The following FSIP2 variants were observed in gnomAD, a reference collection of about 807,000 sequenced individuals.
FSIP2 encodes the protein fibrous sheath-interacting protein 2.
A neutral mutation model predicts 510.5 loss-of-function variants in FSIP2; 367 were observed. That is an observed-to-expected ratio of 0.72 (90% CI 0.66 to 0.78). FSIP2 has a LOEUF of 0.78. FSIP2 is among the 30% of genes least tolerant of loss of function. The pLI, the probability that FSIP2 is intolerant of heterozygous loss-of-function variation, is 0.00. For synonymous variants in FSIP2, 2,601 were observed against 2,732.2 expected (o/e 0.95, Z 1.50); for missense variants, 7,594 against 7,901.7 (o/e 0.96, Z 1.48).
intron 7 of FSIP2, among the ~76,000 whole-genome samples, chr2:185,748,433 C>T (rs144675385): frequency 1.7e-4 from 26 of 151,866 alleles, no homozygotes; most frequent in Admixed American, 5.9e-4. Context: ...TCAGCCACCA[C>T]GCCCAGCCAT....
intron 8 of FSIP2, among the ~76,000 whole-genome samples, chr2:185,755,317 A>G (rs1308922076): frequency 6.6e-6 from 1 of 151,574 alleles, no homozygotes; most frequent in East Asian, 1.9e-4. Flanking sequence ...GATTAATTCT[A>G]TCTGTTTAGT....
Position 185,788,653 on chromosome 2 carries a change from A to G in FSIP2, c.1517A>G (p.Glu506Gly). ...QNCLQEKVTSEELNIIIQNVM... is the reference protein window; with the variant it reads ...QNCLQEKVTSGELNIIIQNVM... ...TTACCTCCTTTCCAGGTAACTTCTG[A>G]AGAACTGAATATTATAATTCAGAAT... is the stretch of plus-strand genomic sequence containing the variant. The change falls in exon 16 of 23, where the codon GAA becomes GGA. Residue 506 changes from glutamate (E) to glycine (G), a missense_variant. By Grantham distance (98) the Glu-to-Gly change is moderately conservative. Transcript: ENST00000424728. 1 of 1,497,602 alleles carries G rather than the reference A, an allele frequency of 6.7e-7. No individual in the cohort carries two copies. Among genetic ancestry groups the G allele is most frequent in the Non-Finnish European group, 8.8e-7 (1 of 1,130,468 alleles). 92.8% of individuals were successfully genotyped at this position (1,497,602 alleles called of 1,614,324 possible).
intron 9 of FSIP2, among the ~76,000 whole-genome samples, chr2:185,760,670 C>T (rs1314795896): frequency 6.7e-6 from 1 of 150,314 alleles, no homozygotes; most frequent in African/African-American, 2.4e-5. Context: ...TTGATACATG[C>T]AACAACGTTG....
intron 16 of FSIP2, among the ~76,000 whole-genome samples, chr2:185,799,031 G>T (rs1693363578): frequency 6.6e-6 from 1 of 151,794 alleles, no homozygotes; most frequent in African/African-American, 2.4e-5. Flanking sequence ...AAACTGTGTT[G>T]CTCTTGGCTG....
intron 13 of FSIP2, among the ~76,000 whole-genome samples, chr2:185,773,971 A>G (rs2105580396): frequency 1.3e-5 from 2 of 152,304 alleles, no homozygotes; most frequent in South Asian, 4.1e-4. Context: ...TATAATGTCA[A>G]TTTTACTTTA....
chr2:185,832,065 C>G (rs1694118755), intron 22 of FSIP2, among the ~76,000 whole-genome samples, 183 bp downstream of exon 22: 1 of 151,804 alleles, frequency 6.6e-6, no homozygotes, highest in African/African-American at 2.4e-5. Flanking sequence ...TTATGTAGCT[C>G]TCTATCTTTA....
chr2:185,816,576 G>A (rs575109798), intron 19 of FSIP2, among the ~76,000 whole-genome samples: 1 of 151,788 alleles, frequency 6.6e-6, no homozygotes, highest in African/African-American at 2.4e-5. Flanking sequence ...GATGGCTCAC[G>A]TCTGTAATCC....
At chr2:185,810,932 T>C (rs1693714842) in intron 17 of FSIP2, among the ~76,000 whole-genome samples, 1 of 152,060 alleles carries the variant, frequency 6.6e-6, no homozygotes, top group Non-Finnish European at 1.5e-5. Flanking sequence ...AGGTCACTTT[T>C]GTTATGCCTT....
chr2:185,791,339 T>TA lies in FSIP2; in HGVS notation c.4209dup (p.Ser1404IlefsTer22), dbSNP rs1371241493. 7 of 1,534,060 alleles carry TA rather than the reference T, an allele frequency of 4.6e-6. No individual in the cohort carries two copies. Among genetic ancestry groups the TA allele is most frequent in the South Asian group, 1.2e-5 (1 of 84,024 alleles). On this transcript the variant is annotated frameshift_variant, in exon 16 of 23. Transcript: ENST00000424728. LOFTEE classifies it high-confidence loss of function. ...AAAGCATTTTGCCAAATAGGCAAGA[T>TA]AAAAAATCTTTTCACAAATATTTGG... is the stretch of plus-strand genomic sequence containing the variant.
chr2:185,821,009 T>TAA (rs59331328), intron 19 of FSIP2, among the ~76,000 whole-genome samples: 5 of 74,956 alleles, frequency 6.7e-5, no homozygotes, highest in African/African-American at 2.5e-4. Flanking sequence ...GTTGGTTCGT[T>TAA]AAAAAAAAAA....
At chr2:185,784,329 C>T (rs1386439382) in intron 14 of FSIP2, among the ~76,000 whole-genome samples, 1 of 152,032 alleles carries the variant, frequency 6.6e-6, no homozygotes, top group Non-Finnish European at 1.5e-5. Flanking sequence ...ATCTACTACC[C>T]TGAAGACTGT....
At chr2:185,765,250 T>C (rs1692443431) in intron 13 of FSIP2, 1 of 152,080 alleles carries the variant, frequency 6.6e-6, no homozygotes, top group Non-Finnish European at 1.5e-5. Flanking sequence ...TATGTGTATA[T>C]ACAGTAAAGT....
chr2:185,807,594 T>A lies in FSIP2; in HGVS notation c.18288T>A (p.Phe6096Leu). ...QSVYNNLLPQFGSQEIIQNCV... is the reference protein window; with the variant it reads ...QSVYNNLLPQLGSQEIIQNCV... ...TTTATAATAATCTCTTGCCACAGTTTGGATCACAAGAGATTATACAAAATT... is the reference window on the plus strand; with the variant it reads ...TTTATAATAATCTCTTGCCACAGTTAGGATCACAAGAGATTATACAAAATT... The change falls in exon 17 of 23, where the codon TTT (phenylalanine) becomes TTA (leucine). Residue 6096 changes from phenylalanine (F) to leucine (L), a missense_variant. Transcript: ENST00000424728. 6.2e-7 allele frequency: 1 copy of A among 1,612,646 alleles called. No homozygotes were observed. The highest frequency in any genetic ancestry group is 8.5e-7 in the Non-Finnish European group (1 of 1,179,254).
Position 185,803,115 on chromosome 2 carries a change from A to G in FSIP2, c.13809A>G (p.Thr4603=), listed in dbSNP as rs1166323411. The change falls in exon 17 of 23, where the codon ACA becomes ACG. Residue 4603 remains threonine, a synonymous_variant. Transcript: ENST00000424728. ...VSGKSLSSSD[T]YFDDERRQLF... is the part of the protein sequence containing the mutation. The stretch of plus-strand genomic sequence containing the variant: ...GAAAATCATTATCTTCATCAGACAC[A>G]TATTTTGATGATGAGAGAAGGCAGT... 6.6e-7 allele frequency: 1 copy of G among 1,519,622 alleles called. No homozygotes were observed. Among genetic ancestry groups the G allele is most frequent in the South Asian group, 1.2e-5 (1 of 80,916 alleles). 94.1% of individuals were successfully genotyped at this position (1,519,622 alleles called of 1,614,324 possible).
chr2:185,788,552 G>C (rs2105607966), intron 15 of FSIP2, 91 bp from the exon 16 acceptor site: 1 of 769,514 alleles, frequency 1.3e-6, no homozygotes, highest in East Asian at 2.8e-5. Flanking sequence ...CCAATACATT[G>C]ATATAAAAAT....
intron 22 of FSIP2, among the ~76,000 whole-genome samples, chr2:185,832,765 G>A (rs1014895463): frequency 2.4e-4 from 36 of 151,842 alleles, no homozygotes; most frequent in African/African-American, 8.7e-4. Flanking sequence ...AAGTAGGTGA[G>A]AATTTATACT....
rs548147214 is a variant in FSIP2 at position 185,754,884 on chromosome 2, T to C, written c.991+1042T>C. ...CAGTTTCGTTATCTGCAAATGAAGA[T>C]AATACTCCTAGATAATTCCTATAAA... is the stretch of plus-strand genomic sequence containing the variant. On this transcript the variant is annotated intron_variant, in intron 8 of 22. Transcript: ENST00000424728. 5.9e-5 allele frequency among the ~76,000 whole-genome samples: 9 copies of C among 151,696 alleles called. No individual in the cohort carries two copies. The South Asian group carries it at 1.9e-3, about 31-fold the overall frequency.
rs1056465619 is a variant in FSIP2, at chr2:185,794,539, T to C, written c.7403T>C (p.Ile2468Thr). 3 of 1,530,306 alleles carry C rather than the reference T, an allele frequency of 2.0e-6. No homozygotes were observed. The highest frequency in any genetic ancestry group is 1.4e-5 in the African/African-American group (1 of 72,658). The allele number at this position is 1,530,306 out of a possible 1,614,324, so 94.8% of individuals were successfully genotyped here. A position where few individuals can be genotyped will look rare whatever the true frequency, so the allele number is the denominator to read the frequency against. The change falls in exon 16 of 23, where the codon ATA becomes ACA. Residue 2468 changes from isoleucine to threonine, a missense_variant. By Grantham distance (89) the Ile-to-Thr change is moderately conservative. Transcript: ENST00000424728. Reference sequence around the variant, plus strand: ...AGGCAGATAATTGTTTTGGAAGAAATATTTATGAGAAATGGAGAATCAAAA... The same window carrying C: ...AGGCAGATAATTGTTTTGGAAGAAACATTTATGAGAAATGGAGAATCAAAA... ...NKRQIIVLEE[I>T]FMRNGESKNK...
intron 17 of FSIP2, among the ~76,000 whole-genome samples, chr2:185,809,822 C>T (rs191403552): frequency 2.6e-4 from 40 of 152,038 alleles, no homozygotes; most frequent in Middle Eastern, 3.4e-3. Context: ...CCTAACTCTC[C>T]CCTGTAACCC....
Sources: allele counts gnomAD v4.1 joint callset (sites outside exome capture counted in the v4.1 genomes callset), GRCh38; gene constraint gnomAD v4.1.1; transcripts MANE v1.5; gene names NCBI Gene and HGNC (gene_info 2026-07-23, HGNC 2026-07-21).